The following INTS2 variants were observed in gnomAD, a reference collection of about 807,000 sequenced individuals.
INTS2 encodes KIAA1287.
Under a neutral mutation model 139.6 loss-of-function variants are expected in INTS2, and 57 were observed. The ratio of observed to expected loss-of-function variants is 0.41; its 90% CI spans 0.33 to 0.51. The LOEUF is 0.51. Among genes scored for constraint, INTS2 ranks in the 20% least tolerant of loss-of-function variants. The pLI, the probability that INTS2 is intolerant of heterozygous loss-of-function variation, is 0.28. For missense variants in INTS2, 1,196 were observed against 1,436.7 expected (o/e 0.83, Z 2.71); for synonymous variants, 473 against 493.4 (o/e 0.96, Z 0.55).
At chr17:61,912,123 G>T in intron 5 of INTS2, 53 bp from the exon 6 acceptor site, 1 of 1,569,084 alleles carries the variant, frequency 6.4e-7, no homozygotes, top group Non-Finnish European at 8.7e-7. Flanking sequence ...TGTTCATGAA[G>T]ATTTCACATG....
At chr17:61,912,246 A>G (rs2079533781) in intron 5 of INTS2, among the ~76,000 whole-genome samples, 176 bp from the exon 6 acceptor site, 1 of 152,138 alleles carries the variant, frequency 6.6e-6, no homozygotes, top group African/African-American at 2.4e-5. Context: ...ACAATATTAC[A>G]CATTCAAACA....
Position 61,870,035 on chromosome 17 carries a change from TAAAA to T in INTS2, c.2779-51_2779-48del. The T allele has an allele frequency of 6.6e-7, 1 of 1,520,558 alleles. No homozygotes were observed. The highest frequency in any genetic ancestry group is 8.9e-7 in the Non-Finnish European group (1 of 1,126,334). The allele number at this position is 1,520,558 out of a possible 1,614,324, so 94.2% of individuals were successfully genotyped here. ...AAAAAGTAAGAAGTTTCTAAGAAGT[TAAAA>T]AACAAATCAGATTTTATTTTCACAT... On this transcript the variant is annotated intron_variant, in intron 20 of 24. Transcript: ENST00000251334. The surrounding 1 kb of genome is among the most constrained non-coding windows in gnomAD (Gnocchi z 4.4).
chr17:61,920,371 A>C (rs1603383877), intron 4 of INTS2, among the ~76,000 whole-genome samples: 1 of 151,632 alleles, frequency 6.6e-6, no homozygotes, highest in Non-Finnish European at 1.5e-5. Flanking sequence ...TAGTAGAGAC[A>C]GGGTTTCACC....
At chr17:61,903,424 G>A (rs1244346635) in intron 9 of INTS2, among the ~76,000 whole-genome samples, 2 of 151,704 alleles carry the variant, frequency 1.3e-5, no homozygotes, top group Non-Finnish European at 2.9e-5. Flanking sequence ...TCTCCAAAAT[G>A]ATGGTGAAGG....
At position 61,925,060 on chromosome 17, in the gene INTS2, T is replaced by G; in HGVS notation, c.333A>C (p.Val111=). 2 of 1,613,818 alleles carry G rather than the reference T, an allele frequency of 1.2e-6. No homozygotes were observed. The highest frequency in any genetic ancestry group is 2.7e-5 in the African/African-American group (2 of 75,056). ...ACGTCAGTCCATGCTGAAGCTGTGA[T>G]ACCAGGATGCTCTCTCCACTGCCTC... The part of the protein sequence containing the change: ...LGGGSGESIL[V]SQLQHGLTLE... The change falls in exon 3 of 25, where the codon GTA becomes GTC. Residue 111 remains valine, a synonymous_variant. Coordinates refer to ENST00000251334, the MANE Select transcript of INTS2 (RefSeq NM_001351695.2).
intron 5 of INTS2, among the ~76,000 whole-genome samples, chr17:61,914,619 C>A (rs925697135): frequency 2.0e-5 from 3 of 149,068 alleles, no homozygotes; most frequent in Non-Finnish European, 4.4e-5. Context: ...GGGAGAATGG[C>A]GTGAACACAG....
At chr17:61,884,532 C>G (rs897808361) in intron 16 of INTS2, among the ~76,000 whole-genome samples, 1 of 151,812 alleles carries the variant, frequency 6.6e-6, no homozygotes, top group African/African-American at 2.4e-5. Context: ...AGGTAGTGTA[C>G]AATACTATTC....
At position 61,882,467 on chromosome 17, in the gene INTS2, G is replaced by A. The variant is rs1460074563; in HGVS notation, c.2090-1296C>T. Among the ~76,000 whole-genome samples the A allele has an allele frequency of 6.6e-6, 1 of 152,220 alleles. No individual in the cohort carries two copies. The highest frequency in any genetic ancestry group is 1.5e-5 in the Non-Finnish European group (1 of 68,048). ...TGAGAGGCTGTGTGCGGTGGCTCAT[G>A]CCTGTAATCCCAGCACCTTGGGAGA... On this transcript the variant is annotated intron_variant, in intron 16 of 24. Coordinates refer to ENST00000251334, the MANE Select transcript of INTS2 (RefSeq NM_001351695.2). The surrounding 1 kb of genome is among the most constrained non-coding windows in gnomAD (Gnocchi z 4.7).
intron 5 of INTS2, 111 bp downstream of exon 5, chr17:61,919,289 A>C (rs983374930): frequency 1.5e-4 from 93 of 616,220 alleles, no homozygotes; most frequent in Admixed American, 7.1e-4. Context: ...AACTTTCAAA[A>C]GATAAAATCT....
At chr17:61,925,521 G>A (rs991082247) in intron 2 of INTS2, among the ~76,000 whole-genome samples, 1 of 151,982 alleles carries the variant, frequency 6.6e-6, no homozygotes, top group African/African-American at 2.4e-5. Context: ...AGGTTGCAGT[G>A]AGCCGAGATC....
chr17:61,899,337 A>T (rs1603378463), intron 9 of INTS2, among the ~76,000 whole-genome samples: 1 of 151,492 alleles, frequency 6.6e-6, no homozygotes, highest in Admixed American at 6.6e-5. Context: ...TGCAACCTCC[A>T]CCTCCCGGAT....
chr17:61,919,875 T>C (rs2079621285), intron 4 of INTS2, among the ~76,000 whole-genome samples: 1 of 152,174 alleles, frequency 6.6e-6, no homozygotes, highest in Non-Finnish European at 1.5e-5. Context: ...ATTACAGGCA[T>C]GAGCCACCAT....
At chr17:61,883,241 G>C (rs546132146) in intron 16 of INTS2, among the ~76,000 whole-genome samples, 1 of 149,742 alleles carries the variant, frequency 6.7e-6, no homozygotes, top group South Asian at 2.1e-4. Context: ...AGCCAGGCAC[G>C]GTGGCTCACG....
intron 14 of INTS2, among the ~76,000 whole-genome samples, chr17:61,890,780 C>G (rs2079283399): frequency 6.8e-6 from 1 of 147,550 alleles, no homozygotes; most frequent in Non-Finnish European, 1.5e-5. Context: ...AAAAAAATTA[C>G]TGGCCAGGCG....
At chr17:61,906,197 G>A (rs891033399) in intron 8 of INTS2, among the ~76,000 whole-genome samples, 4 of 152,122 alleles carry the variant, frequency 2.6e-5, no homozygotes, top group African/African-American at 7.2e-5. Flanking sequence ...GCCAATATGA[G>A]GTAATGAGCT....
chr17:61,883,139 A>G (rs1432198178), intron 16 of INTS2, among the ~76,000 whole-genome samples: 1 of 152,220 alleles, frequency 6.6e-6, no homozygotes, highest in Admixed American at 6.5e-5. Context: ...AGTGTAAACT[A>G]ATCAACATTT....
intron 6 of INTS2, 102 bp downstream of exon 6, chr17:61,911,838 T>C: frequency 7.0e-7 from 1 of 1,421,204 alleles, no homozygotes; most frequent in Non-Finnish European, 9.6e-7. Context: ...ATCCAGTATA[T>C]AAATAAAATT....
chr17:61,878,931 CA>C (rs35652350), intron 17 of INTS2, among the ~76,000 whole-genome samples: 407 of 46,626 alleles, frequency 8.7e-3, no homozygotes, highest in Non-Finnish European at 0.012. Context: ...ACCCTGTCTC[CA>C]AAAAAAAAAA....
rs940394497 is a variant in INTS2, at chr17:61,907,633, C to T, written c.956G>A (p.Arg319Lys). 2 of 1,571,550 alleles carry T rather than the reference C, an allele frequency of 1.3e-6. No homozygotes were observed. Among genetic ancestry groups the T allele is most frequent in the African/African-American group, 2.7e-5 (2 of 74,214 alleles). The stretch of plus-strand genomic sequence containing the variant: ...GACAGAACTGCTGGTCTCTCTTTTT[C>T]TCTGAAAGAAATATGGATCACAAAA... ...FGTFIRNGQQ[R>K]KRETSSSVLW... The change falls in exon 8 of 25, where the codon AGA (arginine) becomes AAA (lysine). Residue 319 changes from arginine (R) to lysine (K), a missense_variant and splice_region_variant. Arg to Lys is a conservative substitution (Grantham distance 26, BLOSUM62 2). Coordinates refer to ENST00000251334, the MANE Select transcript of INTS2 (RefSeq NM_001351695.2).
Sources: allele counts gnomAD v4.1 joint callset (sites outside exome capture counted in the v4.1 genomes callset), GRCh38; gene constraint gnomAD v4.1.1; non-coding constraint Gnocchi (gnomAD v3.1); transcripts MANE v1.5; gene names NCBI Gene and HGNC (gene_info 2026-07-23, HGNC 2026-07-21).